The following DIP2B variants were observed in gnomAD, a reference collection of about 807,000 sequenced individuals.
The protein encoded by DIP2B is DIP2 acetate--CoA ligase B (putative), also known as disco-interacting protein 2 homolog B.
A neutral mutation model predicts 198.0 loss-of-function variants in DIP2B; 76 were observed. The ratio of observed to expected loss-of-function variants is 0.38; its 90% CI spans 0.32 to 0.46. The LOEUF (loss-of-function observed/expected upper bound fraction) is 0.46, where lower values mean the gene tolerates loss of function less well. Ranked by LOEUF, DIP2B falls within the 20% of genes least tolerant of loss-of-function variation. The pLI is 0.99. For synonymous variants in DIP2B, 701 were observed against 739.1 expected, an observed-to-expected ratio of 0.95 and a Z score of 0.84; for missense variants, 1,559 against 1,978.4, an observed-to-expected ratio of 0.79 and a Z score of 4.02.
chr12:50,691,132 G>A lies in DIP2B; in HGVS notation c.1635G>A (p.Gln545=). The A allele has an allele frequency of 6.2e-7, 1 of 1,614,100 alleles. No homozygotes were observed. Among genetic ancestry groups the A allele is most frequent in the Non-Finnish European group, 8.5e-7 (1 of 1,180,010 alleles). ...TGTCTCACTGCCAAGCTCTGTCGCA[G>A]GCCTGCAATTATTCTGAAGGTCAGA... is the stretch of plus-strand genomic sequence containing the variant. ...AMLSHCQALS[Q]ACNYSEGETI... is the part of the protein sequence containing the mutation. The change falls in exon 13 of 38, where the codon CAG becomes CAA. Residue 545 remains glutamine (Q), a synonymous_variant. Transcript: ENST00000301180.
rs1012751932 is a variant in DIP2B at position 50,505,173 on chromosome 12, C to A, written c.33C>A (p.Ala11=). The change falls in exon 1 of 38, where the codon GCC becomes GCA. Residue 11 remains alanine, a synonymous_variant. Transcript: ENST00000301180. MAERGLEPSP[A]AVAALPPEVR... ...AACGAGGCCTGGAGCCGTCGCCGGCCGCGGTGGCGGCGCTGCCGCCTGAAG... is the reference window on the plus strand; with the variant it reads ...AACGAGGCCTGGAGCCGTCGCCGGCAGCGGTGGCGGCGCTGCCGCCTGAAG... The A allele has an allele frequency of 4.6e-6, 7 of 1,526,234 alleles. No homozygotes were observed. The highest frequency in any genetic ancestry group is 6.1e-6 in the Non-Finnish European group (7 of 1,142,204). The allele number at this position is 1,526,234 out of a possible 1,614,324, so 94.5% of individuals were successfully genotyped here.
chr12:50,678,552 C>G (rs2139532009), intron 7 of DIP2B, 127 bp from the exon 8 acceptor site: 1 of 1,010,030 alleles, frequency 9.9e-7, no homozygotes, highest in Non-Finnish European at 1.4e-6. Context: ...TAACCATGTC[C>G]TTTCTCAAAG....
intron 1 of DIP2B, among the ~76,000 whole-genome samples, chr12:50,612,297 A>T (rs532437898): frequency 5.3e-5 from 8 of 152,186 alleles, no homozygotes; most frequent in Non-Finnish European, 8.8e-5. Flanking sequence ...CCTAGGAGGA[A>T]CCTTTACACC....
chr12:50,589,238 GT>G lies in DIP2B; in HGVS notation c.101-36724del, dbSNP rs576557950. Among the ~76,000 whole-genome samples, 771 of 126,738 alleles carry G rather than the reference GT, an allele frequency of 6.1e-3. 9 individuals carry two copies. Among genetic ancestry groups the G allele is most frequent in the African/African-American group, 0.026 (666 of 25,970 alleles). The allele number at this position is 126,738 out of a possible 152,430, so 83.1% of individuals were successfully genotyped here. ...AAATAAATAAAATTTGTTTGTCTTT[GT>G]TTTTTTTTTTTTTGAGATGGAGTAC... On this transcript the variant is annotated intron_variant, in intron 1 of 37. Coordinates refer to ENST00000301180, the MANE Select transcript of DIP2B (RefSeq NM_173602.3).
chr12:50,551,393 AC>A (rs1336448318), intron 1 of DIP2B, among the ~76,000 whole-genome samples: 2 of 152,056 alleles, frequency 1.3e-5, no homozygotes, highest in African/African-American at 4.8e-5. Context: ...ACTGCACTCC[AC>A]CCTGGGCAAC....
chr12:50,580,130 T>C (rs1465792244), intron 1 of DIP2B, among the ~76,000 whole-genome samples: 1 of 148,884 alleles, frequency 6.7e-6, no homozygotes, highest in Non-Finnish European at 1.5e-5. Flanking sequence ...GAATCCACAG[T>C]GAGACATTAA....
intron 1 of DIP2B, among the ~76,000 whole-genome samples, chr12:50,593,716 C>CT: frequency 2.9e-4 from 1 of 3,460 alleles, no homozygotes; most frequent in African/African-American, 2.9e-3. Context: ...CCCTCCTCTC[C>CT]TCTCCTCTCC....
chr12:50,518,006 C>T (rs943363952), intron 1 of DIP2B, among the ~76,000 whole-genome samples: 1 of 152,148 alleles, frequency 6.6e-6, no homozygotes, highest in Non-Finnish European at 1.5e-5. Flanking sequence ...ATATACCTTG[C>T]CTGGCTAGTA....
chr12:50,681,405 G>C (rs1939037994), intron 9 of DIP2B, among the ~76,000 whole-genome samples: 1 of 151,950 alleles, frequency 6.6e-6, no homozygotes, highest in South Asian at 2.1e-4. Flanking sequence ...CACTGCATTT[G>C]TGTGGGCAAC....
At chr12:50,721,979 T>G (rs1939844909) in intron 26 of DIP2B, among the ~76,000 whole-genome samples, 1 of 152,218 alleles carries the variant, frequency 6.6e-6, no homozygotes, top group Non-Finnish European at 1.5e-5. Context: ...GTGTGAGTTT[T>G]GAAGGGGTGT....
chr12:50,654,864 C>A, intron 3 of DIP2B: 1 of 258,946 alleles, frequency 3.9e-6, no homozygotes, highest in South Asian at 4.2e-5. Context: ...AATCAAAAAG[C>A]TAGACAACAC....
intron 1 of DIP2B, among the ~76,000 whole-genome samples, chr12:50,516,848 G>A (rs1958070250): frequency 6.6e-6 from 1 of 151,868 alleles, no homozygotes; most frequent in Non-Finnish European, 1.5e-5. Context: ...GGTGGCGGGT[G>A]CCTGTAATCC....
At chr12:50,652,408 G>A (rs961827052) in intron 3 of DIP2B, among the ~76,000 whole-genome samples, 2 of 150,572 alleles carry the variant, frequency 1.3e-5, no homozygotes, top group East Asian at 3.9e-4. Flanking sequence ...GTGGTGGCAC[G>A]TGCCCATAGT....
intron 19 of DIP2B, among the ~76,000 whole-genome samples, chr12:50,702,799 A>G (rs1327700498): frequency 6.6e-6 from 1 of 151,098 alleles, no homozygotes. Flanking sequence ...AAAATAGGTA[A>G]GAGACATGAA....
intron 1 of DIP2B, among the ~76,000 whole-genome samples, chr12:50,535,451 C>A (rs1465665947): frequency 6.6e-6 from 1 of 151,184 alleles, no homozygotes; most frequent in Non-Finnish European, 1.5e-5. Context: ...ACCGTAACCT[C>A]TGCCTGCCAG....
chr12:50,528,365 C>T (rs1360737032), intron 1 of DIP2B, among the ~76,000 whole-genome samples: 6 of 150,348 alleles, frequency 4.0e-5, no homozygotes, highest in Non-Finnish European at 8.9e-5. Flanking sequence ...CTTTGGGAGG[C>T]TGAGGCGGCA....
chr12:50,519,783 G>A (rs1331414214), intron 1 of DIP2B, among the ~76,000 whole-genome samples: 2 of 141,334 alleles, frequency 1.4e-5, no homozygotes, highest in Non-Finnish European at 3.0e-5. Context: ...TGAATGACAT[G>A]TACTTTAATT....
Position 50,744,675 on chromosome 12 carries a change from A to G in DIP2B, c.4567A>G (p.Thr1523Ala). The G allele has an allele frequency of 1.2e-6, 2 of 1,614,148 alleles. No homozygotes were observed. The highest frequency in any genetic ancestry group is 1.7e-6 in the Non-Finnish European group (2 of 1,180,026). The part of the protein sequence containing the change: ...QEALDLVPLV[T>A]NVVLEEHYLI... The stretch of plus-strand genomic sequence containing the variant: ...AGCCCTAGATCTGGTCCCATTAGTG[A>G]CCAACGTGGTCCTGGAAGAGCATTA... The change falls in exon 38 of 38, where the codon ACC (threonine) becomes GCC (alanine). Residue 1523 changes from threonine (T) to alanine (A), a missense_variant. By Grantham distance (58) the Thr-to-Ala change is moderately conservative. Transcript: ENST00000301180.
intron 19 of DIP2B, 47 bp downstream of exon 19, chr12:50,699,249 G>A: frequency 6.2e-7 from 1 of 1,610,062 alleles, no homozygotes; most frequent in Non-Finnish European, 8.5e-7. Context: ...GGGATTTCAG[G>A]ATGTTACGAG....
Sources: gnomAD v4.1 joint callset for allele counts (sites outside exome capture counted in the v4.1 genomes callset) on GRCh38, gnomAD v4.1.1 for gene constraint, MANE v1.5 for transcripts, NCBI Gene and HGNC (gene_info 2026-07-23, HGNC 2026-07-21) for gene names.